The following TLE6 variants were observed in gnomAD, a reference collection of about 807,000 sequenced individuals.
The protein encoded by TLE6 is TLE family member 6, subcortical maternal complex member, also known as transducin-like enhancer protein 6.
Under a neutral mutation model 77.1 loss-of-function variants are expected in TLE6, and 72 were observed. That is an observed-to-expected ratio of 0.93 (90% CI 0.77 to 1.14). TLE6 has a LOEUF of 1.14. TLE6 is among the 50% of genes most tolerant of loss of function. The pLI is 0.00. For synonymous variants in TLE6, 366 were observed against 287.3 expected (o/e 1.27, Z -2.77); for missense variants, 843 against 747.6 (o/e 1.13, Z -1.49).
chr19:2,980,025 T>G, intron 2 of TLE6, 75 bp from the exon 3 acceptor site: 69 of 1,073,136 alleles, frequency 6.4e-5, no homozygotes, highest in East Asian at 8.7e-5. Context: ...GCCTATGCCA[T>G]GTTGAGGTGG....
At chr19:2,981,687 T>C in intron 4 of TLE6, 104 bp downstream of exon 4, 1 of 1,261,502 alleles carries the variant, frequency 7.9e-7, no homozygotes, top group Non-Finnish European at 1.1e-6. Flanking sequence ...GAGGTTCTTT[T>C]CCGCCAAGCA....
At chr19:2,981,252 C>T (rs949502779) in intron 3 of TLE6, among the ~76,000 whole-genome samples, 7 of 149,574 alleles carry the variant, frequency 4.7e-5, no homozygotes, top group African/African-American at 1.5e-4. Flanking sequence ...CCCAGCTACT[C>T]GGGAGGTCGA....
intron 12 of TLE6, 42 bp downstream of exon 12, chr19:2,989,355 A>C: frequency 6.2e-7 from 1 of 1,605,458 alleles, no homozygotes; most frequent in African/African-American, 1.3e-5. Flanking sequence ...GGCTTCTGGG[A>C]ACAGGGGGTT....
In TLE6 at chr19:2,989,084, A is replaced by G; in HGVS notation, c.764A>G (p.Glu255Gly). The G allele has an allele frequency of 6.2e-7, 1 of 1,614,012 alleles. No homozygotes were observed. The highest frequency in any genetic ancestry group is 8.5e-7 in the Non-Finnish European group (1 of 1,179,962). The change falls in exon 12 of 17, where the codon GAA becomes GGA. Residue 255 changes from glutamate (E) to glycine (G), a missense_variant. By Grantham distance (98) the Glu-to-Gly change is moderately conservative. Coordinates refer to ENST00000246112, the MANE Select transcript of TLE6 (RefSeq NM_001143986.2). ...AGATCCTGGGACCCTGAGGACTTTG[A>G]AGATGCATGGAAGAGGCCAGATGCC... Reference protein sequence around the residue: ...QSISWDPEDFEDAWKRPDALP... With the variant: ...QSISWDPEDFGDAWKRPDALP...
intron 13 of TLE6, among the ~76,000 whole-genome samples, chr19:2,990,383 C>T (rs2089017746): frequency 6.6e-6 from 1 of 150,758 alleles, no homozygotes; most frequent in African/African-American, 2.4e-5. Context: ...CAGGCAGATC[C>T]ACGAGGTCAG....
Position 2,994,115 on chromosome 19 carries a change from G to T in TLE6, c.1614+20G>T. The T allele has an allele frequency of 3.8e-6, 6 of 1,587,838 alleles. No homozygotes were observed. Among genetic ancestry groups the T allele is most frequent in the Non-Finnish European group, 5.1e-6 (6 of 1,168,090 alleles). ...TTCGAGGTACTGCGGTGGGCTGGGG[G>T]CAGGACCCGGGGGTGGCCCCAAAGG... is the stretch of plus-strand genomic sequence containing the variant. On this transcript the variant is annotated intron_variant, in intron 16 of 16. Transcript: ENST00000246112.
At position 2,978,238 on chromosome 19, in the gene TLE6, CCT is replaced by C; in HGVS notation, c.8_9del (p.Ser3Ter). ...TTGGAGGCTACTGCCTTGAAGATGA[CCT>C]CTAGGGACCAGCCCAGACCCAAGGG... On this transcript the variant is annotated frameshift_variant, in exon 2 of 17. Transcript: ENST00000246112. LOFTEE classifies it high-confidence loss of function. 1 of 1,551,472 alleles carries C rather than the reference CCT, an allele frequency of 6.4e-7. No individual in the cohort carries two copies. The highest frequency in any genetic ancestry group is 8.7e-7 in the Non-Finnish European group (1 of 1,146,970).
chr19:2,994,376 C>T (rs575945813), intron 16 of TLE6, among the ~76,000 whole-genome samples: 37 of 152,026 alleles, frequency 2.4e-4, no homozygotes, highest in Admixed American at 4.6e-4. Context: ...TTTGGGAGGC[C>T]GAGACGGGCA....
intron 5 of TLE6, among the ~76,000 whole-genome samples, chr19:2,984,617 G>C (rs1228102903): frequency 6.6e-6 from 1 of 152,032 alleles, no homozygotes. Flanking sequence ...ACAGGTGTGT[G>C]TCACCATGCC....
At chr19:2,983,045 C>T (rs2088831465) in intron 5 of TLE6, among the ~76,000 whole-genome samples, 1 of 152,158 alleles carries the variant, frequency 6.6e-6, no homozygotes, top group Non-Finnish European at 1.5e-5. Flanking sequence ...CTCCCGCCAC[C>T]TGGCCTTTTC....
chr19:2,994,696 TG>T (rs1299662418), intron 16 of TLE6, among the ~76,000 whole-genome samples: 3 of 152,122 alleles, frequency 2.0e-5, no homozygotes, highest in African/African-American at 7.2e-5. Flanking sequence ...CCCAGCTACT[TG>T]GGAGGCTGAG....
intron 5 of TLE6, 63 bp from the exon 6 acceptor site, chr19:2,986,766 T>C: frequency 6.8e-7 from 1 of 1,478,418 alleles, no homozygotes; most frequent in African/African-American, 1.4e-5. Context: ...ATAATCATGC[T>C]GTAGGATTGC....
intron 11 of TLE6, 74 bp from the exon 12 acceptor site, chr19:2,988,987 G>T: frequency 6.3e-7 from 1 of 1,586,720 alleles, no homozygotes; most frequent in Non-Finnish European, 8.6e-7. Context: ...GCCCCTCTAG[G>T]CCTTGATGTG....
rs529895867 is a variant in TLE6, at chr19:2,987,063, C to T, written c.366C>T (p.Asp122=). 5 of 1,614,146 alleles carry T rather than the reference C, an allele frequency of 3.1e-6. No homozygotes were observed. The highest frequency in any genetic ancestry group is 1.3e-5 in the African/African-American group (1 of 75,062). ...CCCTGCAGGAGTCGAGCTTTGAGGA[C>T]ATCATGGCCACCAGGTCCTCCGACT... The part of the protein sequence containing the change: ...DKTLQESSFE[D]IMATRSSDWL... The change falls in exon 7 of 17, where the codon GAC becomes GAT. Residue 122 remains aspartate, a synonymous_variant. Transcript: ENST00000246112.
intron 5 of TLE6, chr19:2,984,061 G>A (rs2088854862): frequency 6.6e-6 from 1 of 152,336 alleles, no homozygotes; most frequent in Admixed American, 6.5e-5. Flanking sequence ...CCCACCCGCT[G>A]CTTCCAGTTC....
At position 2,993,916 on chromosome 19, in the gene TLE6, G is replaced by A. The variant is rs567343011; in HGVS notation, c.1538-103G>A. On this transcript the variant is annotated intron_variant, in intron 15 of 16. Coordinates refer to ENST00000246112, the MANE Select transcript of TLE6 (RefSeq NM_001143986.2). ...AGCCTGGGTGACAGAGTGAGACCCT[G>A]TCTCAAAAAAAAAAAAAAAAAAAAA... 1.1e-4 allele frequency: 87 copies of A among 816,628 alleles called. No homozygotes were observed. In the Middle Eastern group the frequency reaches 1.9e-3, roughly 18 times the overall value. 50.6% of individuals were successfully genotyped at this position (816,628 alleles called of 1,614,324 possible). A position where few individuals can be genotyped will look rare whatever the true frequency, so the allele number is the denominator to read the frequency against.
chr19:2,984,168 C>T (rs1042766712), intron 5 of TLE6: 2 of 152,284 alleles, frequency 1.3e-5, no homozygotes, highest in Admixed American at 1.3e-4. Flanking sequence ...GGGAGGGCTG[C>T]TAGCAGGCAC....
chr19:2,982,033 A>G, intron 4 of TLE6, 115 bp from the exon 5 acceptor site: 1 of 1,094,398 alleles, frequency 9.1e-7, no homozygotes, highest in East Asian at 2.6e-5. Flanking sequence ...ACAAGGTGAA[A>G]ACAAAAATTT....
In TLE6 at chr19:2,989,790, G is replaced by GT; in HGVS notation, c.1244+8dup. ...GCGGGATCAGAGTGTGGTCAGGTGC[G>GT]TTTGGGGGGTGGGAAGGGGAAGCAT... On this transcript the variant is annotated splice_donor_region_variant and intron_variant, in intron 13 of 16. Transcript: ENST00000246112. 1 of 1,609,178 alleles carries GT rather than the reference G, an allele frequency of 6.2e-7. No homozygotes were observed. The highest frequency in any genetic ancestry group is 8.5e-7 in the Non-Finnish European group (1 of 1,176,414).
Sources: allele counts gnomAD v4.1 joint callset (sites outside exome capture counted in the v4.1 genomes callset), GRCh38; gene constraint gnomAD v4.1.1; transcripts MANE v1.5; gene names NCBI Gene and HGNC (gene_info 2026-07-23, HGNC 2026-07-21).